The following PHTF2 variants were observed in gnomAD, a reference collection of about 807,000 sequenced individuals.
The protein encoded by PHTF2 is putative homeodomain transcription factor 2, also known as protein PHTF2.
Under a neutral mutation model 101.2 loss-of-function variants are expected in PHTF2, and 60 were observed. The observed-to-expected ratio is 0.59, with a 90% CI of 0.48 to 0.73. The LOEUF (loss-of-function observed/expected upper bound fraction) is 0.73. Ranked by LOEUF, PHTF2 falls within the 30% of genes least tolerant of loss-of-function variation. The pLI, the probability that PHTF2 is intolerant of heterozygous loss-of-function variation, is 0.00. For missense variants in PHTF2, 747 were observed against 908.7 expected, an observed-to-expected ratio of 0.82 and a Z score of 2.29; for synonymous variants, 311 against 307.3, an observed-to-expected ratio of 1.01 and a Z score of -0.13.
chr7:77,872,288 C>T (rs1189051082), intron 3 of PHTF2, among the ~76,000 whole-genome samples: 1 of 152,208 alleles, frequency 6.6e-6, no homozygotes, highest in East Asian at 1.9e-4. Context: ...AAATCCTGCT[C>T]TGCTGAGGTC....
intron 3 of PHTF2, among the ~76,000 whole-genome samples, chr7:77,873,971 C>G (rs1025262473): frequency 6.6e-6 from 1 of 152,160 alleles, no homozygotes; most frequent in Non-Finnish European, 1.5e-5. Context: ...AGATTTGAGG[C>G]TCAGTATCTG....
At chr7:77,866,609 T>TA (rs545195144) in intron 3 of PHTF2, among the ~76,000 whole-genome samples, 250 of 145,918 alleles carry the variant, frequency 1.7e-3, no homozygotes, top group African/African-American at 2.8e-3. Context: ...GTCTCGTCAG[T>TA]AAAAAAAAAA....
At chr7:77,824,423 G>C (rs1388045207) in intron 1 of PHTF2, among the ~76,000 whole-genome samples, 1 of 152,114 alleles carries the variant, frequency 6.6e-6, no homozygotes, top group Non-Finnish European at 1.5e-5. Flanking sequence ...AAGTGCAGCT[G>C]TTGTTAGTTT....
At chr7:77,911,309 A>T (rs1052167567) in intron 9 of PHTF2, among the ~76,000 whole-genome samples, 1 of 152,096 alleles carries the variant, frequency 6.6e-6, no homozygotes, top group Non-Finnish European at 1.5e-5. Context: ...GGCTTCTTGT[A>T]TAGTTTGTAT....
At chr7:77,882,522 C>T (rs1450842215) in intron 3 of PHTF2, among the ~76,000 whole-genome samples, 2 of 152,024 alleles carry the variant, frequency 1.3e-5, no homozygotes, top group South Asian at 2.1e-4. Flanking sequence ...AAACTCTTTG[C>T]TTATAGTCAA....
At chr7:77,860,337 C>T (rs182986790) in intron 3 of PHTF2, among the ~76,000 whole-genome samples, 4 of 152,216 alleles carry the variant, frequency 2.6e-5, no homozygotes, top group Admixed American at 2.6e-4. Context: ...TACAGGCTAC[C>T]GAAAAGCCAT....
intron 3 of PHTF2, among the ~76,000 whole-genome samples, chr7:77,872,187 C>T (rs1798576529): frequency 6.6e-6 from 1 of 152,168 alleles, no homozygotes; most frequent in South Asian, 2.1e-4. Flanking sequence ...ATCCCTGCCA[C>T]CATGGCCACT....
chr7:77,947,397 A>G (rs535066342), intron 16 of PHTF2, among the ~76,000 whole-genome samples: 1 of 151,612 alleles, frequency 6.6e-6, no homozygotes, highest in Non-Finnish European at 1.5e-5. Flanking sequence ...CCCTATCTCT[A>G]CTGAAAAATA....
intron 1 of PHTF2, among the ~76,000 whole-genome samples, chr7:77,814,086 C>T (rs1304832172): frequency 6.6e-6 from 1 of 152,190 alleles, no homozygotes; most frequent in African/African-American, 2.4e-5. Context: ...ATTCAGTCCT[C>T]ATTTCTACTT....
intron 3 of PHTF2, among the ~76,000 whole-genome samples, chr7:77,864,554 C>T (rs1053607362): frequency 1.3e-5 from 2 of 152,168 alleles, no homozygotes; most frequent in Non-Finnish European, 2.9e-5. Flanking sequence ...CCAAATAAAA[C>T]TGTTTGAAGT....
rs71082798 is a variant in PHTF2, at chr7:77,947,837, C to CTTTTTTTTTTTTTTTTTTTTT, written c.1960-1823_1960-1822insTTTTTTTTTTTTTTTTTTTTT. ...TTATTTTCTTTTTTCTTTTTTCTTT[C>CTTTTTTTTTTTTTTTTTTTTT]TTTTTTTTTTTTTTTTTTGAGACAG... On this transcript the variant is annotated intron_variant, in intron 16 of 19. Transcript: ENST00000416283. Among the ~76,000 whole-genome samples, 102 of 73,798 alleles carry CTTTTTTTTTTTTTTTTTTTTT rather than the reference C, an allele frequency of 1.4e-3. 15 individuals are homozygous for CTTTTTTTTTTTTTTTTTTTTT. The highest frequency in any genetic ancestry group is 2.1e-3 in the African/African-American group (36 of 17,474). The allele number at this position is 73,798 out of a possible 152,430, so 48.4% of individuals were successfully genotyped here. A position where few individuals can be genotyped will look rare whatever the true frequency, so the allele number is the denominator to read the frequency against.
intron 1 of PHTF2, among the ~76,000 whole-genome samples, chr7:77,800,001 AT>A (rs887993022): frequency 1.2e-3 from 171 of 144,484 alleles, no homozygotes; most frequent in African/African-American, 3.9e-3. Context: ...CGTTTCTTTC[AT>A]TTTTTTTTTC....
chr7:77,920,368 G>T (rs764866568), exon 10 of PHTF2: 12 of 1,611,540 alleles, frequency 7.4e-6, no homozygotes, highest in Middle Eastern at 1.6e-4. Flanking sequence ...GTTAAAAGCG[G>T]TGAAGATGGA....
At chr7:77,907,300 A>T (rs1189143913) in intron 7 of PHTF2, among the ~76,000 whole-genome samples, 1 of 152,110 alleles carries the variant, frequency 6.6e-6, no homozygotes, top group African/African-American at 2.4e-5. Flanking sequence ...TACAGCTGAA[A>T]TTTGTTTTCA....
At chr7:77,886,238 G>GT (rs1389473830) in intron 3 of PHTF2, among the ~76,000 whole-genome samples, 5 of 152,194 alleles carry the variant, frequency 3.3e-5, no homozygotes, top group African/African-American at 1.2e-4. Context: ...TAGCCGAAGA[G>GT]TAGCTTTTCA....
intron 2 of PHTF2, among the ~76,000 whole-genome samples, chr7:77,847,040 T>G (rs929264970): frequency 6.6e-6 from 1 of 152,204 alleles, no homozygotes; most frequent in Non-Finnish European, 1.5e-5. Context: ...TTTAGGACTT[T>G]ATGAACCATA....
At position 77,954,055 on chromosome 7, in the gene PHTF2, A is replaced by G. The variant is rs150371481; in HGVS notation, c.2337+161A>G. Among the ~76,000 whole-genome samples the G allele has an allele frequency of 7.1e-4, 108 of 152,318 alleles. 2 individuals carry two copies. Among genetic ancestry groups the G allele is most frequent in the African/African-American group, 2.5e-3 (103 of 41,580 alleles). Reference sequence around the variant, plus strand: ...AGAATTATATGTATTTATGTTTTATAATACTGCAGGAATTTCTAACTTGGA... The same window carrying G: ...AGAATTATATGTATTTATGTTTTATGATACTGCAGGAATTTCTAACTTGGA... On this transcript the variant is annotated intron_variant, in intron 19 of 19. Coordinates refer to ENST00000416283, the Ensembl canonical transcript of PHTF2.
chr7:77,900,217 A>C (rs187586718), intron 5 of PHTF2, among the ~76,000 whole-genome samples: 1 of 152,192 alleles, frequency 6.6e-6, no homozygotes, highest in East Asian at 1.9e-4. Flanking sequence ...TGAGTAGTGC[A>C]TTGTCCTCCC....
rs960375310 is a variant in PHTF2, at chr7:77,922,885, T to C, written c.1119+107T>C. On this transcript the variant is annotated intron_variant, in intron 11 of 19. Coordinates refer to ENST00000416283, the Ensembl canonical transcript of PHTF2. Reference sequence around the variant, plus strand: ...TTGTTGAAATAAATATTTCACATTATTATCAATATTTATTATTGTTGTATG... The same window carrying C: ...TTGTTGAAATAAATATTTCACATTACTATCAATATTTATTATTGTTGTATG... The C allele has an allele frequency of 3.0e-5, 38 of 1,273,572 alleles. No homozygotes were observed. In the East Asian group the frequency reaches 9.6e-4, roughly 32 times the overall value. The allele number at this position is 1,273,572 out of a possible 1,614,324, so 78.9% of individuals were successfully genotyped here. A position where few individuals can be genotyped will look rare whatever the true frequency, so the allele number is the denominator to read the frequency against.
Sources: allele counts gnomAD v4.1 joint callset (sites outside exome capture counted in the v4.1 genomes callset), GRCh38; gene constraint gnomAD v4.1.1; transcripts MANE v1.5; gene names NCBI Gene and HGNC (gene_info 2026-07-23, HGNC 2026-07-21).